Variants in TAC4 observed in about 807,000 individuals in gnomAD.
The protein encoded by TAC4 is tachykinin precursor 4.
Under a neutral mutation model 17.7 loss-of-function variants are expected in TAC4, and 17 were observed. The observed-to-expected ratio is 0.96, with a 90% CI of 0.66 to 1.44. TAC4 has a LOEUF of 1.44. Ranked by LOEUF, TAC4 falls within the 40% of genes most tolerant of loss-of-function variation. TAC4 has a pLI of 0.00. For missense variants in TAC4, 118 were observed against 125.6 expected (o/e 0.94, Z 0.29); for synonymous variants, 62 against 52.4 (o/e 1.18, Z -0.79).
intron 1 of TAC4, chr17:49,847,093 A>C (rs1159380493): frequency 1.7e-5 from 22 of 1,289,700 alleles, no homozygotes; most frequent in Non-Finnish European, 2.1e-5. Context: ...CTCCATTTCT[A>C]AGCGCCTCCG....
rs541449006 is a variant in TAC4, at chr17:49,840,723, G to A, written c.233-814C>T. Among the ~76,000 whole-genome samples the A allele has an allele frequency of 9.7e-4, 148 of 151,850 alleles. 1 individual carries two copies. In the Middle Eastern group the frequency reaches 0.017, roughly 17 times the overall value. ...TCACCACGTTGGCCAGGCTGGTCTC[G>A]AACTCCTGACCTCAGGTGATCCACC... On this transcript the variant is annotated intron_variant, in intron 3 of 4. Transcript: ENST00000436235.
At chr17:49,838,733 C>G in intron 4 of TAC4, 60 bp from the exon 5 acceptor site, 1 of 1,567,748 alleles carries the variant, frequency 6.4e-7, no homozygotes, top group African/African-American at 1.4e-5. Flanking sequence ...GCTCCTCCAC[C>G]CTTAGAAGTC....
chr17:49,845,800 G>A, intron 1 of TAC4: 1 of 154,532 alleles, frequency 6.5e-6, no homozygotes, highest in Non-Finnish European at 1.4e-5. Context: ...TTGTGTTGTG[G>A]CACCTTTCAG....
At chr17:49,843,857 G>A (rs894835172) in intron 2 of TAC4, among the ~76,000 whole-genome samples, 26 of 152,184 alleles carry the variant, frequency 1.7e-4, no homozygotes, top group African/African-American at 5.8e-4. Context: ...GCCTGCCAAA[G>A]TGCTGGGATT....
At chr17:49,847,771 A>G in intron 1 of TAC4, 142 bp downstream of exon 1, 2 of 1,413,844 alleles carry the variant, frequency 1.4e-6, no homozygotes, top group Non-Finnish European at 2.0e-6. Context: ...GAATCTACCC[A>G]TGGTAGAGAG....
intron 2 of TAC4, 104 bp downstream of exon 2, chr17:49,843,960 G>A: frequency 9.9e-7 from 1 of 1,006,534 alleles, no homozygotes; most frequent in Non-Finnish European, 1.6e-6. Flanking sequence ...CTGGACTGGA[G>A]TACCTGACCC....
At chr17:49,846,077 C>T in intron 1 of TAC4, 1 of 500,964 alleles carries the variant, frequency 2.0e-6, no homozygotes, top group Non-Finnish European at 3.2e-6. Context: ...TGACCTTTCT[C>T]CCCCACTGGG....
intron 1 of TAC4, chr17:49,847,663 T>G (rs904597161): frequency 8.0e-6 from 4 of 500,722 alleles, no homozygotes; most frequent in African/African-American, 6.1e-5. Flanking sequence ...GTTAAATAAG[T>G]ATTTCTTACA....
intron 2 of TAC4, among the ~76,000 whole-genome samples, chr17:49,841,997 A>G (rs769911888): frequency 1.1e-3 from 141 of 131,918 alleles, no homozygotes; most frequent in Non-Finnish European, 1.8e-3. Flanking sequence ...TCCGCCTCCC[A>G]GGTTCACGCC....
At chr17:49,839,412 A>C (rs980564396) in intron 4 of TAC4, among the ~76,000 whole-genome samples, 11 of 152,356 alleles carry the variant, frequency 7.2e-5, no homozygotes, top group African/African-American at 2.6e-4. Context: ...TTCCTCCCAG[A>C]GTGATCTGCA....
At chr17:49,847,343 G>A in intron 1 of TAC4, 1 of 1,093,010 alleles carries the variant, frequency 9.1e-7, no homozygotes, top group Non-Finnish European at 1.2e-6. Context: ...GGCAGGAGTG[G>A]GGGTAGTGCA....
chr17:49,842,002 C>CA (rs1485820032), intron 2 of TAC4, among the ~76,000 whole-genome samples: 2 of 144,002 alleles, frequency 1.4e-5, no homozygotes, highest in African/African-American at 5.1e-5. Flanking sequence ...CTCCCAGGTT[C>CA]ACGCCATTCT....
intron 1 of TAC4, chr17:49,846,136 C>A: frequency 8.7e-7 from 1 of 1,147,048 alleles, no homozygotes; most frequent in Non-Finnish European, 1.1e-6. Context: ...TTCCCATTCA[C>A]TCCGACAGGA....
intron 2 of TAC4, 61 bp downstream of exon 2, chr17:49,843,998 CTGCTT>C (rs2074517123): frequency 6.7e-7 from 1 of 1,494,504 alleles, no homozygotes; most frequent in Non-Finnish European, 9.3e-7. Flanking sequence ...CTTAGGGCCT[CTGCTT>C]TATGTTGCAG....
intron 4 of TAC4, 85 bp from the exon 5 acceptor site, chr17:49,838,758 T>C (rs1468822045): frequency 1.5e-5 from 21 of 1,419,204 alleles, no homozygotes; most frequent in Non-Finnish European, 1.9e-5. Flanking sequence ...CTAGTTGCAT[T>C]GAAGGCCTTC....
At chr17:49,846,832 T>G in intron 1 of TAC4, 1 of 707,680 alleles carries the variant, frequency 1.4e-6, no homozygotes, top group Non-Finnish European at 2.0e-6. Context: ...GCAAGGCTTC[T>G]GTCTCTAGAC....
At chr17:49,843,847 G>A (rs2074516001) in intron 2 of TAC4, among the ~76,000 whole-genome samples, 1 of 152,160 alleles carries the variant, frequency 6.6e-6, no homozygotes, top group African/African-American at 2.4e-5. Context: ...ACCCACCTCG[G>A]CCTGCCAAAG....
intron 3 of TAC4, among the ~76,000 whole-genome samples, chr17:49,840,917 C>CA (rs1202576272): frequency 1.0e-5 from 1 of 98,988 alleles, no homozygotes; most frequent in Non-Finnish European, 1.8e-5. Context: ...TTTTTTGAGA[C>CA]AGAGTCTCCC....
chr17:49,842,593 G>A (rs772103265), intron 2 of TAC4, among the ~76,000 whole-genome samples: 3 of 151,626 alleles, frequency 2.0e-5, no homozygotes, highest in Non-Finnish European at 4.4e-5. Context: ...GGAAACTAAG[G>A]CCAAAAGTGC....
Sources: allele counts gnomAD v4.1 joint callset (sites outside exome capture counted in the v4.1 genomes callset), GRCh38; gene constraint gnomAD v4.1.1; transcripts MANE v1.5; gene names NCBI Gene and HGNC (gene_info 2026-07-23, HGNC 2026-07-21).